ADAM12: variants seen among roughly 807,000 people sequenced by gnomAD.
ADAM12 encodes ADAM metallopeptidase domain 12.
In ADAM12, 70 loss-of-function variants were observed where a neutral mutation model predicts 106.4. That is an observed-to-expected ratio of 0.66 (90% confidence interval 0.54 to 0.80). The LOEUF is 0.80. ADAM12 is among the 30% of genes least tolerant of loss of function. ADAM12 has a pLI of 0.00. For synonymous variants in ADAM12, 420 were observed against 433.5 expected (o/e 0.97, Z 0.39); for missense variants, 1,010 against 1,171.9 (o/e 0.86, Z 2.02).
chr10:126,287,134 A>T (rs899598052), intron 2 of ADAM12, among the ~76,000 whole-genome samples: 1 of 152,146 alleles, frequency 6.6e-6, no homozygotes, highest in African/African-American at 2.4e-5. Context: ...TTCATTTTAG[A>T]TTACTTTAGC....
At chr10:126,376,359 G>C (rs902262387) in intron 1 of ADAM12, among the ~76,000 whole-genome samples, 8 of 152,050 alleles carry the variant, frequency 5.3e-5, no homozygotes, top group Admixed American at 6.6e-5. Flanking sequence ...TTTCAATAAG[G>C]AAATGACTCC....
At chr10:126,245,825 T>C (rs952844518) in intron 3 of ADAM12, among the ~76,000 whole-genome samples, 1 of 151,884 alleles carries the variant, frequency 6.6e-6, no homozygotes, top group African/African-American at 2.4e-5. Flanking sequence ...TTTCTTTGGG[T>C]TGTCTGAAAG....
chr10:126,263,617 A>AG (rs1241803365), intron 3 of ADAM12, among the ~76,000 whole-genome samples: 1 of 149,872 alleles, frequency 6.7e-6, no homozygotes, highest in Non-Finnish European at 1.5e-5. Flanking sequence ...GTGGGCGGGG[A>AG]GGGGGGTGTA....
At chr10:126,167,636 G>A (rs537728445) in intron 3 of ADAM12, among the ~76,000 whole-genome samples, 2 of 148,106 alleles carry the variant, frequency 1.4e-5, no homozygotes, top group East Asian at 2.0e-4. Flanking sequence ...GCGAGTGAAC[G>A]ATCAAACTCA....
intron 3 of ADAM12, among the ~76,000 whole-genome samples, chr10:126,241,234 T>C (rs1395547317): frequency 1.3e-5 from 2 of 152,122 alleles, no homozygotes; most frequent in Non-Finnish European, 2.9e-5. Flanking sequence ...AAACGGAGAA[T>C]AGGAAGTGAC....
At chr10:126,332,054 T>G (rs1460819592) in intron 1 of ADAM12, among the ~76,000 whole-genome samples, 1 of 152,052 alleles carries the variant, frequency 6.6e-6, no homozygotes, top group Non-Finnish European at 1.5e-5. Context: ...TAGCCCAGGC[T>G]TTGGAGGAAG....
At chr10:126,068,026 A>G (rs1237627772) in intron 12 of ADAM12, among the ~76,000 whole-genome samples, 1 of 152,206 alleles carries the variant, frequency 6.6e-6, no homozygotes, top group African/African-American at 2.4e-5. Flanking sequence ...TATTATACAG[A>G]CTTCCAAAGT....
At chr10:126,069,409 G>A (rs1465788317) in intron 12 of ADAM12, among the ~76,000 whole-genome samples, 1 of 152,196 alleles carries the variant, frequency 6.6e-6, no homozygotes, top group African/African-American at 2.4e-5. Context: ...ACAAAATAAG[G>A]ACCTTAACCG....
At chr10:126,372,202 T>C (rs1199191563) in intron 1 of ADAM12, among the ~76,000 whole-genome samples, 1 of 152,166 alleles carries the variant, frequency 6.6e-6, no homozygotes. Flanking sequence ...AAGGGGACGG[T>C]GGCTCATGGA....
intron 2 of ADAM12, among the ~76,000 whole-genome samples, chr10:126,295,143 T>A (rs1045226879): frequency 4.6e-5 from 7 of 152,126 alleles, no homozygotes; most frequent in African/African-American, 7.2e-5. Flanking sequence ...CATTTTTTTT[T>A]AATATTATAG....
At chr10:126,061,859 A>G (rs946524583) in intron 14 of ADAM12, among the ~76,000 whole-genome samples, 1 of 152,228 alleles carries the variant, frequency 6.6e-6, no homozygotes, top group Non-Finnish European at 1.5e-5. Flanking sequence ...TGAAGCATTT[A>G]TAAGCCATTA....
intron 3 of ADAM12, among the ~76,000 whole-genome samples, chr10:126,177,058 GCA>G (rs1277675986): frequency 8.5e-6 from 1 of 117,480 alleles, no homozygotes; most frequent in Non-Finnish European, 1.8e-5. Context: ...ACACACACAC[GCA>G]CACACACACG....
intron 12 of ADAM12, among the ~76,000 whole-genome samples, chr10:126,069,771 G>A (rs1273364585): frequency 6.6e-6 from 1 of 152,182 alleles, no homozygotes; most frequent in African/African-American, 2.4e-5. Context: ...GGGCTGTAGT[G>A]ATGACGGTGG....
chr10:126,131,939 C>T (rs1471434227), intron 5 of ADAM12, among the ~76,000 whole-genome samples: 1 of 151,648 alleles, frequency 6.6e-6, no homozygotes, highest in Non-Finnish European at 1.5e-5. Flanking sequence ...AAGCCTATCT[C>T]CACATTATTT....
At chr10:126,154,782 C>G (rs542264392) in intron 4 of ADAM12, among the ~76,000 whole-genome samples, 4 of 152,250 alleles carry the variant, frequency 2.6e-5, no homozygotes, top group African/African-American at 9.6e-5. Flanking sequence ...GTAACACCCA[C>G]GATATAGAAT....
At chr10:126,041,864 C>T (rs1407973987) in intron 18 of ADAM12, 1 of 1,303,324 alleles carries the variant, frequency 7.7e-7, no homozygotes, top group African/African-American at 1.5e-5. Context: ...AGAGTGGTAA[C>T]CTGCTACTCT....
At chr10:126,277,794 A>C (rs1959341684) in intron 3 of ADAM12, among the ~76,000 whole-genome samples, 1 of 152,200 alleles carries the variant, frequency 6.6e-6, no homozygotes, top group Non-Finnish European at 1.5e-5. Context: ...TAAGAAAAAA[A>C]ACACAAAAGA....
At chr10:126,233,202 C>A (rs983122583) in intron 3 of ADAM12, among the ~76,000 whole-genome samples, 3 of 151,996 alleles carry the variant, frequency 2.0e-5, no homozygotes, top group Non-Finnish European at 4.4e-5. Flanking sequence ...GGGCAGAACC[C>A]GGAGGGCACC....
intron 4 of ADAM12, among the ~76,000 whole-genome samples, chr10:126,147,041 C>T (rs950093030): frequency 6.6e-6 from 1 of 152,174 alleles, no homozygotes; most frequent in African/African-American, 2.4e-5. Flanking sequence ...TCAGTAGTTG[C>T]CATGGAAATG....
Sources: allele counts gnomAD v4.1 joint callset (sites outside exome capture counted in the v4.1 genomes callset), GRCh38; gene constraint gnomAD v4.1.1; transcripts MANE v1.5; gene names NCBI Gene and HGNC (gene_info 2026-07-23, HGNC 2026-07-21).